Variants in DNAAF11 observed in about 807,000 individuals in gnomAD.
DNAAF11 encodes the protein leucine rich repeat containing 6.
In DNAAF11, 45 loss-of-function variants were observed where a neutral mutation model predicts 60.8. The observed-to-expected ratio is 0.74, with a 90% CI of 0.58 to 0.95. DNAAF11 has a LOEUF of 0.95. Ranked by LOEUF, DNAAF11 falls within the 40% of genes least tolerant of loss-of-function variation. The probability of loss-of-function intolerance (pLI) is 0.00; values close to 1 mark genes in which losing one functional copy is unlikely to be tolerated. For synonymous variants in DNAAF11, 191 were observed against 183.5 expected, an observed-to-expected ratio of 1.04 and a Z score of -0.33; for missense variants, 546 against 546.2, an observed-to-expected ratio of 1.00 and a Z score of 0.00.
Position 132,661,521 on chromosome 8 carries a change from A to C in DNAAF11, c.117T>G (p.Ile39Met). ...HQQEIERLEH[I>M]DKWCRDLKIL... ...TTTTTAAATCCCGGCACCATTTATC[A>C]ATGTGTTCTAGTCTTTCTATTTCTT... is the stretch of plus-strand genomic sequence containing the variant. Residue 39 changes from isoleucine (I) to methionine (M), a missense_variant, in exon 2 of 12, where the codon ATT becomes ATG. By Grantham distance (10) the Ile-to-Met change is conservative (BLOSUM62 1). Transcript: ENST00000620350. 1 of 1,613,636 alleles carries C rather than the reference A, an allele frequency of 6.2e-7. No individual in the cohort carries two copies.
chr8:132,604,637 T>C (rs1586555548), intron 10 of DNAAF11, among the ~76,000 whole-genome samples: 2 of 152,262 alleles, frequency 1.3e-5, no homozygotes, highest in South Asian at 2.1e-4. Context: ...TAAAATCATA[T>C]GCTAGATATC....
intron 8 of DNAAF11, among the ~76,000 whole-genome samples, 178 bp downstream of exon 8, chr8:132,614,860 C>A (rs369132834): frequency 5.3e-5 from 8 of 152,110 alleles, no homozygotes; most frequent in Non-Finnish European, 1.2e-4. Context: ...CTTTATTTAC[C>A]TTTCCTTTCA....
chr8:132,635,298 C>T (rs1024426476), intron 4 of DNAAF11, among the ~76,000 whole-genome samples: 4 of 152,156 alleles, frequency 2.6e-5, no homozygotes, highest in African/African-American at 7.2e-5. Context: ...AGTGTCCACA[C>T]TTATTGATAA....
In DNAAF11 at chr8:132,661,582, A is replaced by G. The variant is rs965962425; in HGVS notation, c.56T>C (p.Val19Ala). 1.2e-6 allele frequency: 2 copies of G among 1,614,096 alleles called. No individual in the cohort carries two copies. The highest frequency in any genetic ancestry group is 1.7e-6 in the Non-Finnish European group (2 of 1,179,960). ...IRRNAEHNDC[V>A]IFSLEELSLH... is the part of the protein sequence containing the mutation. ...CGAGAGTTCCTCCAGGGAAAAAATG[A>G]CACAGTCGTTGTGTTCAGCATTCCG... Residue 19 changes from valine (V) to alanine (A), a missense_variant, in exon 2 of 12, where the codon GTC becomes GCC. By Grantham distance (64) the Val-to-Ala change is moderately conservative. Transcript: ENST00000620350.
At chr8:132,626,137 C>T (rs10086060) in intron 5 of DNAAF11, among the ~76,000 whole-genome samples, 3,487 of 152,050 alleles carry the variant, frequency 0.023, 150 homozygotes, top group African/African-American at 0.079. Flanking sequence ...CCGCAAGCTC[C>T]GCCTCTCGGG....
At position 132,610,225 on chromosome 8, in the gene DNAAF11, C is replaced by T. The variant is rs1365254688; in HGVS notation, c.1081G>A (p.Asp361Asn). Residue 361 changes from aspartate to asparagine, a missense_variant, in exon 10 of 12, where the codon GAT becomes AAT. Transcript: ENST00000620350. Reference protein sequence around the residue: ...QLVLPAEVKPDSSSAKRSQTT... With the variant: ...QLVLPAEVKPNSSSAKRSQTT... ...TGAGATCTTTTAGCAGAACTACTAT[C>T]GGGTTTCACTTCTGCAGGAAGGACA... The T allele has an allele frequency of 5.6e-6, 9 of 1,613,762 alleles. No homozygotes were observed. The highest frequency in any genetic ancestry group is 4.0e-5 in the African/African-American group (3 of 74,882).
intron 5 of DNAAF11, 117 bp from the exon 6 acceptor site, chr8:132,625,571 C>G (rs933682894): frequency 5.3e-5 from 41 of 771,510 alleles, no homozygotes; most frequent in Non-Finnish European, 7.8e-5. Context: ...CTTTGAATGA[C>G]AAAGTGACTC....
chr8:132,586,758 G>A (rs987337823), intron 10 of DNAAF11, among the ~76,000 whole-genome samples: 1 of 152,122 alleles, frequency 6.6e-6, no homozygotes, highest in African/African-American at 2.4e-5. Flanking sequence ...GGAGCTCACT[G>A]AGATGTTGAC....
chr8:132,663,792 T>A (rs1219816062), intron 1 of DNAAF11, among the ~76,000 whole-genome samples: 1 of 152,220 alleles, frequency 6.6e-6, no homozygotes, highest in African/African-American at 2.4e-5. Context: ...CAATGGCAGC[T>A]TCTCCAGGTT....
At chr8:132,697,077 G>T in the DNAAF11 span, among the ~76,000 whole-genome samples, 2 of 152,144 alleles carry the variant, frequency 1.3e-5, no homozygotes, top group African/African-American at 4.8e-5. Context: ...CACAAAGACC[G>T]CATATTGCAT....
intron 7 of DNAAF11, among the ~76,000 whole-genome samples, chr8:132,615,452 G>C (rs186654092): frequency 1.7e-3 from 266 of 152,280 alleles, no homozygotes; most frequent in Admixed American, 4.2e-3. Context: ...TATTTATGGA[G>C]AACTAAAGGT....
At chr8:132,658,682 C>T (rs1237921418) in intron 2 of DNAAF11, among the ~76,000 whole-genome samples, 1 of 152,140 alleles carries the variant, frequency 6.6e-6, no homozygotes, top group African/African-American at 2.4e-5. Context: ...GAACAAAATA[C>T]TTTATTATTG....
intron 10 of DNAAF11, among the ~76,000 whole-genome samples, chr8:132,600,185 G>A (rs531640883): frequency 1.3e-5 from 2 of 152,170 alleles, no homozygotes; most frequent in South Asian, 4.1e-4. Context: ...GCTTCAAAGA[G>A]AATAAAATAC....
At chr8:132,645,639 G>C (rs1586677933) in intron 3 of DNAAF11, among the ~76,000 whole-genome samples, 1 of 152,120 alleles carries the variant, frequency 6.6e-6, no homozygotes, top group Non-Finnish European at 1.5e-5. Flanking sequence ...GCGTAGAGAA[G>C]ACCTTAAATG....
chr8:132,678,904 A>G (rs1362725595), upstream of DNAAF11, among the ~76,000 whole-genome samples: 1 of 152,272 alleles, frequency 6.6e-6, no homozygotes, highest in Admixed American at 6.5e-5. Flanking sequence ...GAAATTTTAT[A>G]TCTGTGGGAC....
At chr8:132,670,926 C>A (rs11998161) in intron 1 of DNAAF11, among the ~76,000 whole-genome samples, 9,089 of 152,084 alleles carry the variant, frequency 0.06, 691 homozygotes, top group African/African-American at 0.18. Flanking sequence ...GACAACAACT[C>A]GGAAAACCAG....
chr8:132,614,982 C>T (rs1818998340), intron 8 of DNAAF11, 56 bp downstream of exon 8: 1 of 1,142,986 alleles, frequency 8.7e-7, no homozygotes. Context: ...AAAATTACTA[C>T]TGAGAATGAA....
In DNAAF11 at chr8:132,611,083, A is replaced by G. The variant is rs374689524; in HGVS notation, c.1044+211T>C. 3.9e-5 allele frequency among the ~76,000 whole-genome samples: 6 copies of G among 152,014 alleles called. No homozygotes were observed. In the South Asian group the frequency reaches 8.3e-4, roughly 21 times the overall value. On this transcript the variant is annotated intron_variant, in intron 9 of 11. Coordinates refer to ENST00000620350, the MANE Select transcript of DNAAF11 (RefSeq NM_012472.6). ...CTAATTTTGTAGTTTTAGTAAAGAC[A>G]GTATTTCACCATGTTGCCCAGACTG...
At chr8:132,690,023 T>A in the DNAAF11 span, among the ~76,000 whole-genome samples, 3 of 152,212 alleles carry the variant, frequency 2.0e-5, no homozygotes, top group Non-Finnish European at 1.5e-5. Flanking sequence ...CTCATATTTT[T>A]AAAAACTGCT....
Sources: gnomAD v4.1 joint callset for allele counts (sites outside exome capture counted in the v4.1 genomes callset) on GRCh38, gnomAD v4.1.1 for gene constraint, MANE v1.5 for transcripts, NCBI Gene and HGNC (gene_info 2026-07-23, HGNC 2026-07-21) for gene names.